Variants in PDZRN4 observed in about 807,000 individuals in gnomAD.
The protein encoded by PDZRN4 is PDZ domain-containing RING finger protein 4.
Under a neutral mutation model 99.0 loss-of-function variants are expected in PDZRN4, and 70 were observed. That is an observed-to-expected ratio of 0.71 (90% CI 0.58 to 0.86). The LOEUF (loss-of-function observed/expected upper bound fraction) is 0.86, where lower values mean the gene tolerates loss of function less well. PDZRN4 is among the 40% of genes least tolerant of loss of function. The pLI is 0.00. For synonymous variants in PDZRN4, 551 were observed against 501.6 expected, an observed-to-expected ratio of 1.10 and a Z score of -1.32; for missense variants, 1,474 against 1,331.2, an observed-to-expected ratio of 1.11 and a Z score of -1.67.
intron 3 of PDZRN4, among the ~76,000 whole-genome samples, chr12:41,346,082 G>A (rs1454871523): frequency 2.0e-5 from 3 of 152,120 alleles, no homozygotes. Context: ...AAGTGAACAC[G>A]AGATTAAGCC....
At chr12:41,274,250 TA>T (rs1213067980) in intron 3 of PDZRN4, among the ~76,000 whole-genome samples, 2 of 152,122 alleles carry the variant, frequency 1.3e-5, no homozygotes, top group African/African-American at 4.8e-5. Context: ...TATGTTTTAT[TA>T]ATAACCACTC....
intron 5 of PDZRN4, among the ~76,000 whole-genome samples, chr12:41,527,264 G>A (rs1352676106): frequency 6.6e-6 from 1 of 152,192 alleles, no homozygotes; most frequent in Non-Finnish European, 1.5e-5. Context: ...AGTCTAACAG[G>A]AGAATTATGT....
chr12:41,419,952 A>G (rs1162057795), intron 3 of PDZRN4, among the ~76,000 whole-genome samples: 1 of 152,176 alleles, frequency 6.6e-6, no homozygotes, highest in Non-Finnish European at 1.5e-5. Flanking sequence ...TGTCACTTCT[A>G]AGAGGCAGTT....
chr12:41,213,711 A>C lies in PDZRN4; in HGVS notation c.843+19523A>C, dbSNP rs551802983. 2.6e-5 allele frequency among the ~76,000 whole-genome samples: 4 copies of C among 152,208 alleles called. No homozygotes were observed. In the East Asian group the frequency reaches 7.8e-4, roughly 30 times the overall value. On this transcript the variant is annotated intron_variant, in intron 3 of 9. Coordinates refer to ENST00000402685, the MANE Select transcript of PDZRN4 (RefSeq NM_001164595.2). Reference sequence around the variant, plus strand: ...ATGTCCTGATGACAATAAGGGACTCAGTTTTTTCAGCATTTTGTGTTTTGA... The same window carrying C: ...ATGTCCTGATGACAATAAGGGACTCCGTTTTTTCAGCATTTTGTGTTTTGA...
chr12:41,483,543 C>T (rs2120606413), intron 3 of PDZRN4, among the ~76,000 whole-genome samples: 1 of 152,140 alleles, frequency 6.6e-6, no homozygotes, highest in Admixed American at 6.6e-5. Flanking sequence ...GTAAGAAACG[C>T]TATTCCTTTG....
intron 5 of PDZRN4, among the ~76,000 whole-genome samples, chr12:41,549,145 A>G (rs1939012040): frequency 6.6e-6 from 1 of 152,090 alleles, no homozygotes; most frequent in Admixed American, 6.6e-5. Context: ...ATTTGTATAC[A>G]CTCATGAATT....
At chr12:41,394,627 G>A (rs1355478454) in intron 3 of PDZRN4, among the ~76,000 whole-genome samples, 1 of 152,136 alleles carries the variant, frequency 6.6e-6, no homozygotes, top group Non-Finnish European at 1.5e-5. Flanking sequence ...CTACTGGGGA[G>A]ATTTTGCTTC....
chr12:41,349,485 CTA>C (rs3991248), intron 3 of PDZRN4, among the ~76,000 whole-genome samples: 58,329 of 151,520 alleles, frequency 0.38, 11,298 homozygotes, highest in African/African-American at 0.41. Flanking sequence ...TGCTATCTTT[CTA>C]TGTCTCCATT....
chr12:41,355,455 T>G lies in PDZRN4; in HGVS notation c.844-151001T>G, dbSNP rs1951920564. Among the ~76,000 whole-genome samples, 3 of 152,180 alleles carry G rather than the reference T, an allele frequency of 2.0e-5. No homozygotes were observed. The South Asian group carries it at 6.2e-4, about 32-fold the overall frequency. ...AGCAAATTAGGCTTAACTCTTTAAT[T>G]ACAATGAGAAGGAAATCACCTTTCT... On this transcript the variant is annotated intron_variant, in intron 3 of 9. Transcript: ENST00000402685.
At chr12:41,312,685 C>T (rs1951615075) in intron 3 of PDZRN4, among the ~76,000 whole-genome samples, 1 of 152,072 alleles carries the variant, frequency 6.6e-6, no homozygotes. Context: ...TCTCGTGAGA[C>T]TTATTCACTA....
chr12:41,544,524 G>T (rs752962952), intron 5 of PDZRN4, among the ~76,000 whole-genome samples: 20 of 152,078 alleles, frequency 1.3e-4, no homozygotes, highest in Non-Finnish European at 2.9e-4. Context: ...CATCCTCAGA[G>T]AAACAAATTT....
intron 3 of PDZRN4, among the ~76,000 whole-genome samples, chr12:41,270,123 C>T (rs1269929462): frequency 1.3e-5 from 2 of 152,104 alleles, no homozygotes; most frequent in Non-Finnish European, 2.9e-5. Context: ...ATGGCTGAGT[C>T]AGTTACTCAT....
At chr12:41,433,333 C>A (rs912817685) in intron 3 of PDZRN4, among the ~76,000 whole-genome samples, 9 of 152,154 alleles carry the variant, frequency 5.9e-5, no homozygotes, top group Admixed American at 5.9e-4. Flanking sequence ...CAGAATTTGT[C>A]GTTGGAAAAC....
rs145520744 is a variant in PDZRN4, at chr12:41,461,715, T to C, written c.844-44741T>C. On this transcript the variant is annotated intron_variant, in intron 3 of 9. Coordinates refer to ENST00000402685, the MANE Select transcript of PDZRN4 (RefSeq NM_001164595.2). ...AATCCCATATCACCTTTAGACCCAA[T>C]TGAAATGGTATCTACTTTATGATGT... is the stretch of plus-strand genomic sequence containing the variant. Among the ~76,000 whole-genome samples the C allele has an allele frequency of 1.8e-3, 279 of 152,306 alleles. 2 individuals are homozygous for C. The highest frequency in any genetic ancestry group is 6.4e-3 in the African/African-American group (265 of 41,574).
At chr12:41,227,996 G>A (rs1444707199) in intron 3 of PDZRN4, among the ~76,000 whole-genome samples, 1 of 151,548 alleles carries the variant, frequency 6.6e-6, no homozygotes, top group African/African-American at 2.4e-5. Flanking sequence ...GTACTATTTA[G>A]TTGACTGATT....
intron 6 of PDZRN4, among the ~76,000 whole-genome samples, chr12:41,553,875 T>G (rs1939099459): frequency 1.5e-5 from 1 of 65,558 alleles, no homozygotes. Flanking sequence ...CTTGAAAACG[T>G]TACCTAAATA....
At chr12:41,322,785 C>CG (rs1951688846) in intron 3 of PDZRN4, among the ~76,000 whole-genome samples, 2 of 152,016 alleles carry the variant, frequency 1.3e-5, no homozygotes, top group East Asian at 3.9e-4. Flanking sequence ...CGTGAGCCAC[C>CG]GCGCCGGGCA....
intron 3 of PDZRN4, among the ~76,000 whole-genome samples, chr12:41,492,488 C>T (rs1485572747): frequency 6.6e-6 from 1 of 152,138 alleles, no homozygotes; most frequent in Non-Finnish European, 1.5e-5. Flanking sequence ...CATCATGTTG[C>T]TGCAAGGAAG....
intron 8 of PDZRN4, among the ~76,000 whole-genome samples, chr12:41,564,386 A>G (rs565270583): frequency 1.3e-5 from 2 of 152,254 alleles, no homozygotes; most frequent in African/African-American, 4.8e-5. Flanking sequence ...TTCCTTTTAT[A>G]TCCTTTTTAT....
Sources: gnomAD v4.1 joint callset for allele counts (sites outside exome capture counted in the v4.1 genomes callset) on GRCh38, gnomAD v4.1.1 for gene constraint, MANE v1.5 for transcripts, NCBI Gene and HGNC (gene_info 2026-07-23, HGNC 2026-07-21) for gene names.